Variants in ROR1 observed in about 807,000 individuals in gnomAD.
ROR1 encodes the protein ROR family WNT receptor 1.
A neutral mutation model predicts 78.8 loss-of-function variants in ROR1; 19 were observed. That is an observed-to-expected ratio of 0.24 (90% CI 0.17 to 0.35). The LOEUF is 0.35. Ranked by LOEUF, ROR1 falls within the 10% of genes least tolerant of loss-of-function variation. The pLI, the probability that ROR1 is intolerant of heterozygous loss-of-function variation, is 1.00. For missense variants in ROR1, 917 were observed against 1,177.8 expected (o/e 0.78, Z 3.24); for synonymous variants, 386 against 433.6 (o/e 0.89, Z 1.36).
At chr1:63,903,280 T>C (rs1035620296) in intron 1 of ROR1, among the ~76,000 whole-genome samples, 2 of 152,214 alleles carry the variant, frequency 1.3e-5, no homozygotes, top group East Asian at 3.9e-4. Context: ...CTTCATTAAA[T>C]CTTCACAGAC....
chr1:63,979,793 G>A (rs939729762), intron 1 of ROR1, among the ~76,000 whole-genome samples: 7 of 152,172 alleles, frequency 4.6e-5, no homozygotes, highest in African/African-American at 1.7e-4. Context: ...TGATGGAGTA[G>A]ATATGCTCAA....
intron 2 of ROR1, among the ~76,000 whole-genome samples, chr1:64,017,285 C>T (rs1347173891): frequency 6.6e-6 from 1 of 152,090 alleles, no homozygotes; most frequent in Non-Finnish European, 1.5e-5. Context: ...TCCTGTATCC[C>T]TTTGCTGGCA....
intron 4 of ROR1, among the ~76,000 whole-genome samples, chr1:64,071,654 C>A (rs975473659): frequency 1.3e-5 from 2 of 151,084 alleles, no homozygotes; most frequent in African/African-American, 4.9e-5. Context: ...TTATGGGTTT[C>A]ATCCTCATCT....
At chr1:63,821,276 T>C (rs1431640114) in intron 1 of ROR1, among the ~76,000 whole-genome samples, 1 of 152,210 alleles carries the variant, frequency 6.6e-6, no homozygotes, top group Non-Finnish European at 1.5e-5. Context: ...GAAGTTCTGA[T>C]GGTGAAATTT....
chr1:63,793,870 G>A lies in ROR1; in HGVS notation c.91+19362G>A, dbSNP rs188601724. Among the ~76,000 whole-genome samples, 17 of 152,310 alleles carry A rather than the reference G, an allele frequency of 1.1e-4. No homozygotes were observed. In the East Asian group the frequency reaches 2.9e-3, roughly 26 times the overall value. On this transcript the variant is annotated intron_variant, in intron 1 of 8. Coordinates refer to ENST00000371079, the MANE Select transcript of ROR1 (RefSeq NM_005012.4). ...CAGTAAGCTCCATCTTGGTTGTGCTGCCCTCCCCGCTGGGGTTGGGATAAC... is the reference window on the plus strand; with the variant it reads ...CAGTAAGCTCCATCTTGGTTGTGCTACCCTCCCCGCTGGGGTTGGGATAAC...
At chr1:64,096,329 G>A (rs2806546) in intron 4 of ROR1, among the ~76,000 whole-genome samples, 43,465 of 151,626 alleles carry the variant, frequency 0.29, 7,046 homozygotes, top group African/African-American at 0.44. Context: ...AGATTATTTC[G>A]TCAGCCAGAT....
At chr1:64,042,840 T>C (rs1282998263) in intron 2 of ROR1, among the ~76,000 whole-genome samples, 2 of 152,214 alleles carry the variant, frequency 1.3e-5, no homozygotes, top group East Asian at 3.8e-4. Flanking sequence ...GTGCTGAAAG[T>C]GAATGCAGGT....
intron 1 of ROR1, among the ~76,000 whole-genome samples, chr1:63,980,143 TATATAAC>T (rs1646197547): frequency 1.3e-5 from 2 of 151,678 alleles, no homozygotes; most frequent in South Asian, 4.2e-4. Flanking sequence ...TTATAAAAAA[TATATAAC>T]ATATATATAT....
chr1:63,827,514 C>T (rs1483808506), intron 1 of ROR1, among the ~76,000 whole-genome samples: 1 of 152,106 alleles, frequency 6.6e-6, no homozygotes, highest in Non-Finnish European at 1.5e-5. Flanking sequence ...GATGGCAATG[C>T]TGACAAGGGG....
At chr1:63,979,620 C>T (rs895226606) in intron 1 of ROR1, among the ~76,000 whole-genome samples, 1 of 152,172 alleles carries the variant, frequency 6.6e-6, no homozygotes, top group Middle Eastern at 3.4e-3. Flanking sequence ...TTTGGGTGTC[C>T]CTCATTGGTC....
intron 1 of ROR1, among the ~76,000 whole-genome samples, chr1:63,814,438 G>A (rs549433673): frequency 5.3e-5 from 8 of 152,010 alleles, no homozygotes; most frequent in African/African-American, 1.2e-4. Flanking sequence ...TGGGGTGGGG[G>A]TGGTGGTTTG....
intron 4 of ROR1, among the ~76,000 whole-genome samples, chr1:64,088,980 AT>A (rs1557645888): frequency 1.3e-5 from 2 of 151,996 alleles, no homozygotes; most frequent in Admixed American, 6.6e-5. Flanking sequence ...GGACACAGTG[AT>A]TTTTTTAAGA....
At chr1:64,046,609 GC>G (rs1258578946) in intron 2 of ROR1, among the ~76,000 whole-genome samples, 1 of 152,186 alleles carries the variant, frequency 6.6e-6, no homozygotes, top group Non-Finnish European at 1.5e-5. Flanking sequence ...TAAAGCTTAG[GC>G]CCATTAACCA....
intron 4 of ROR1, among the ~76,000 whole-genome samples, chr1:64,088,612 G>A (rs1204680710): frequency 1.3e-5 from 2 of 151,362 alleles, no homozygotes; most frequent in Non-Finnish European, 2.9e-5. Context: ...CGGGGCTAGC[G>A]AGCTAATAAA....
chr1:64,063,144 A>C (rs1416322577), intron 4 of ROR1, among the ~76,000 whole-genome samples: 1 of 152,206 alleles, frequency 6.6e-6, no homozygotes, highest in Non-Finnish European at 1.5e-5. Context: ...AAGGAAAAAG[A>C]GGTTTGGGAT....
intron 4 of ROR1, among the ~76,000 whole-genome samples, chr1:64,117,888 AT>A (rs1648373217): frequency 6.6e-6 from 1 of 150,914 alleles, no homozygotes; most frequent in Non-Finnish European, 1.5e-5. Flanking sequence ...CAGTTCACGC[AT>A]TTTGTCTTCA....
At chr1:64,159,739 G>A (rs953702475) in intron 8 of ROR1, among the ~76,000 whole-genome samples, 2 of 152,082 alleles carry the variant, frequency 1.3e-5, no homozygotes, top group East Asian at 3.9e-4. Flanking sequence ...TTTGGCTTAA[G>A]TATATTTTAA....
chr1:63,986,222 C>T (rs1260495731), intron 1 of ROR1, among the ~76,000 whole-genome samples: 1 of 152,160 alleles, frequency 6.6e-6, no homozygotes, highest in African/African-American at 2.4e-5. Flanking sequence ...AGATAATTTG[C>T]CCTCCCTCTA....
At chr1:64,004,859 G>A (rs950193580) in intron 1 of ROR1, among the ~76,000 whole-genome samples, 4 of 152,038 alleles carry the variant, frequency 2.6e-5, no homozygotes, top group East Asian at 3.9e-4. Context: ...TCAATCCTCC[G>A]AGAAACTGCA....
Sources: allele counts gnomAD v4.1 joint callset (sites outside exome capture counted in the v4.1 genomes callset), GRCh38; gene constraint gnomAD v4.1.1; transcripts MANE v1.5; gene names NCBI Gene and HGNC (gene_info 2026-07-23, HGNC 2026-07-21).